Variants in SHROOM3 observed in about 807,000 individuals in gnomAD.
SHROOM3 encodes protein Shroom3.
A neutral mutation model predicts 138.6 loss-of-function variants in SHROOM3; 47 were observed. That is an observed-to-expected ratio of 0.34 (90% CI 0.27 to 0.43). The LOEUF is 0.43. SHROOM3 is among the 20% of genes least tolerant of loss of function. SHROOM3 has a pLI of 1.00. For missense variants in SHROOM3, 2,491 were observed against 2,596.5 expected (o/e 0.96, Z 0.88); for synonymous variants, 1,062 against 1,063.3 (o/e 1.00, Z 0.02).
chr4:76,654,818 A>T (rs1257157950), intron 2 of SHROOM3, among the ~76,000 whole-genome samples: 1 of 152,200 alleles, frequency 6.6e-6, no homozygotes, highest in Non-Finnish European at 1.5e-5. Context: ...TTATTGTATT[A>T]TGCTATTATA....
At chr4:76,729,917 G>A (rs545884624) in intron 3 of SHROOM3, among the ~76,000 whole-genome samples, 1 of 152,202 alleles carries the variant, frequency 6.6e-6, no homozygotes, top group Non-Finnish European at 1.5e-5. Context: ...ACCATATCCA[G>A]ATGGATTCCT....
At chr4:76,719,945 C>G (rs554402227) in intron 3 of SHROOM3, among the ~76,000 whole-genome samples, 1 of 152,250 alleles carries the variant, frequency 6.6e-6, no homozygotes, top group African/African-American at 2.4e-5. Context: ...TTCACACTTA[C>G]TGATGCTTCA....
At chr4:76,511,288 T>G (rs1417933073) in intron 1 of SHROOM3, among the ~76,000 whole-genome samples, 1 of 152,228 alleles carries the variant, frequency 6.6e-6, no homozygotes, top group African/African-American at 2.4e-5. Flanking sequence ...GGCTGCCATT[T>G]GCCAAAACCA....
chr4:76,528,383 A>G (rs1394590847), intron 1 of SHROOM3, among the ~76,000 whole-genome samples: 1 of 105,600 alleles, frequency 9.5e-6, no homozygotes, highest in African/African-American at 3.9e-5. Context: ...CCTATGTCCT[A>G]TGTTGCCCAG....
chr4:76,498,569 T>G (rs1732017642), intron 1 of SHROOM3, among the ~76,000 whole-genome samples: 1 of 152,138 alleles, frequency 6.6e-6, no homozygotes, highest in Admixed American at 6.5e-5. Flanking sequence ...CTACCTTAAT[T>G]AATATCCCCT....
At chr4:76,585,950 G>A (rs1378440794) in intron 2 of SHROOM3, among the ~76,000 whole-genome samples, 2 of 152,318 alleles carry the variant, frequency 1.3e-5, no homozygotes, top group East Asian at 3.9e-4. Flanking sequence ...CTTTACCTTC[G>A]CTTTAATGGT....
intron 1 of SHROOM3, among the ~76,000 whole-genome samples, chr4:76,457,558 C>G (rs1731053365): frequency 6.6e-6 from 1 of 150,600 alleles, no homozygotes; most frequent in Admixed American, 6.6e-5. Flanking sequence ...GTGGCACTAT[C>G]TCGACTCACT....
intron 2 of SHROOM3, among the ~76,000 whole-genome samples, chr4:76,582,936 CA>C (rs1378842466): frequency 2.0e-5 from 3 of 152,204 alleles, no homozygotes; most frequent in Non-Finnish European, 4.4e-5. Flanking sequence ...TTACTTCTTC[CA>C]ACAAGAATGG....
intron 2 of SHROOM3, among the ~76,000 whole-genome samples, chr4:76,623,009 A>G (rs1303007406): frequency 1.3e-5 from 2 of 152,208 alleles, no homozygotes; most frequent in Admixed American, 1.3e-4. Flanking sequence ...TTAGGAATGC[A>G]TTAGGCAAAA....
chr4:76,453,816 C>T (rs1730974904), intron 1 of SHROOM3, among the ~76,000 whole-genome samples: 1 of 152,134 alleles, frequency 6.6e-6, no homozygotes, highest in African/African-American at 2.4e-5. Flanking sequence ...TATTCTCTCC[C>T]ATTCTGTGGA....
intron 1 of SHROOM3, among the ~76,000 whole-genome samples, chr4:76,545,753 C>T (rs1733203160): frequency 1.3e-5 from 2 of 152,174 alleles, no homozygotes; most frequent in African/African-American, 4.8e-5. Context: ...TCATGCAATC[C>T]TTACACCAAC....
chr4:76,460,845 T>C (rs537780652), intron 1 of SHROOM3, among the ~76,000 whole-genome samples: 1 of 43,230 alleles, frequency 2.3e-5, no homozygotes, highest in Non-Finnish European at 6.5e-5. Flanking sequence ...AAAAAAAAAA[T>C]TAGCCAGGCA....
intron 2 of SHROOM3, chr4:76,688,527 C>A: frequency 1.0e-6 from 1 of 985,318 alleles, no homozygotes; most frequent in East Asian, 1.1e-4. Context: ...CAATTTCAAA[C>A]CTTACTGTTA....
chr4:76,779,308 A>G lies in SHROOM3; in HGVS notation c.*131A>G. ...GTTTGTTCCTGATGAAAGGAAAAAA[A>G]TTCTCTCCAGGAGGAAGCCTTTTTC... On this transcript the variant is annotated 3_prime_UTR_variant, in exon 11 of 11. Transcript: ENST00000296043. The G allele has an allele frequency of 7.7e-7, 1 of 1,298,868 alleles. No individual in the cohort carries two copies. The highest frequency in any genetic ancestry group is 1.5e-5 in the South Asian group (1 of 65,502). The allele number at this position is 1,298,868 out of a possible 1,614,324, so 80.5% of individuals were successfully genotyped here. A position where few individuals can be genotyped will look rare whatever the true frequency, so the allele number is the denominator to read the frequency against.
intron 1 of SHROOM3, among the ~76,000 whole-genome samples, chr4:76,479,051 C>G (rs1363561489): frequency 2.0e-5 from 3 of 152,072 alleles, no homozygotes; most frequent in Non-Finnish European, 4.4e-5. Context: ...GCTGAAAATT[C>G]CAAAAACCAG....
intron 2 of SHROOM3, among the ~76,000 whole-genome samples, chr4:76,592,833 G>A (rs924159113): frequency 1.3e-5 from 2 of 152,184 alleles, no homozygotes; most frequent in African/African-American, 2.4e-5. Context: ...AGGATTCGAG[G>A]TAGGGAGGAG....
intron 2 of SHROOM3, among the ~76,000 whole-genome samples, chr4:76,692,155 G>A (rs1719571572): frequency 6.6e-6 from 1 of 152,230 alleles, no homozygotes; most frequent in Non-Finnish European, 1.5e-5. Context: ...AGAGCCTGGT[G>A]GCTGGGCAGT....
chr4:76,445,935 G>A (rs1730796221), intron 1 of SHROOM3, among the ~76,000 whole-genome samples: 1 of 152,150 alleles, frequency 6.6e-6, no homozygotes, highest in Non-Finnish European at 1.5e-5. Flanking sequence ...TAGTAACTTA[G>A]GGAATGATGC....
At chr4:76,477,703 C>T (rs749070832) in intron 1 of SHROOM3, among the ~76,000 whole-genome samples, 42 of 152,114 alleles carry the variant, frequency 2.8e-4, no homozygotes, top group Admixed American at 4.6e-4. Context: ...CGAATAGGAA[C>T]AGCTCTGGTC....
Sources: gnomAD v4.1 joint callset for allele counts (sites outside exome capture counted in the v4.1 genomes callset) on GRCh38, gnomAD v4.1.1 for gene constraint, MANE v1.5 for transcripts, NCBI Gene and HGNC (gene_info 2026-07-23, HGNC 2026-07-21) for gene names.